Variants in HCN1 observed in about 807,000 individuals in gnomAD.
HCN1 encodes the protein potassium/sodium hyperpolarization-activated cyclic nucleotide-gated channel 1.
In HCN1, 13 loss-of-function variants were observed where a neutral mutation model predicts 78.9. That is an observed-to-expected ratio of 0.16 (90% CI 0.11 to 0.26). HCN1 has a LOEUF of 0.26. HCN1 is among the 10% of genes least tolerant of loss of function. The pLI is 1.00. For synonymous variants in HCN1, 552 were observed against 455.5 expected (o/e 1.21, Z -2.70); for missense variants, 810 against 1,154.3 (o/e 0.70, Z 4.32).
At chr5:45,649,920 G>A (rs1288225404) in intron 1 of HCN1, among the ~76,000 whole-genome samples, 1 of 151,764 alleles carries the variant, frequency 6.6e-6, no homozygotes, top group African/African-American at 2.4e-5. Context: ...CTTATTAAGG[G>A]TTTTCATTTT....
chr5:45,494,857 A>T (rs1192345052), intron 2 of HCN1, among the ~76,000 whole-genome samples: 1 of 152,250 alleles, frequency 6.6e-6, no homozygotes. Flanking sequence ...TAAATAGGGA[A>T]TTCTTTCCCC....
At chr5:45,661,284 C>T (rs1231825463) in intron 1 of HCN1, among the ~76,000 whole-genome samples, 1 of 115,508 alleles carries the variant, frequency 8.7e-6, no homozygotes, top group African/African-American at 3.4e-5. Flanking sequence ...ATACCAGAAT[C>T]TCTGGGACGC....
At chr5:45,419,019 A>C (rs1271382562) in intron 3 of HCN1, among the ~76,000 whole-genome samples, 1 of 152,184 alleles carries the variant, frequency 6.6e-6, no homozygotes, top group African/African-American at 2.4e-5. Flanking sequence ...GCTTTGTGTT[A>C]GAAATCATCA....
intron 1 of HCN1, among the ~76,000 whole-genome samples, chr5:45,682,643 C>CA (rs950658967): frequency 6.6e-6 from 1 of 150,716 alleles, no homozygotes; most frequent in African/African-American, 2.4e-5. Flanking sequence ...AACAAACAAA[C>CA]AAAAAAAAGC....
intron 2 of HCN1, among the ~76,000 whole-genome samples, chr5:45,484,652 G>A (rs776206622): frequency 6.6e-6 from 1 of 152,122 alleles, no homozygotes; most frequent in Non-Finnish European, 1.5e-5. Context: ...GAATAAGTAA[G>A]TTTATTCTGC....
chr5:45,294,597 AAAAC>A (rs1018073501), intron 6 of HCN1, among the ~76,000 whole-genome samples: 4 of 152,098 alleles, frequency 2.6e-5, no homozygotes, highest in South Asian at 2.1e-4. Context: ...TTATATTAGA[AAAAC>A]AAACTTTTCT....
intron 3 of HCN1, among the ~76,000 whole-genome samples, chr5:45,445,550 C>T (rs980149924): frequency 1.3e-5 from 2 of 152,212 alleles, no homozygotes; most frequent in African/African-American, 4.8e-5. Flanking sequence ...TCCCAGCATG[C>T]AGCTGGAGAT....
At chr5:45,589,372 A>G (rs898720104) in intron 2 of HCN1, among the ~76,000 whole-genome samples, 3 of 152,198 alleles carry the variant, frequency 2.0e-5, no homozygotes, top group Non-Finnish European at 4.4e-5. Flanking sequence ...TCTTACATAG[A>G]GAAAAAGATC....
intron 5 of HCN1, among the ~76,000 whole-genome samples, chr5:45,344,677 T>C (rs1201140307): frequency 1.3e-5 from 2 of 152,202 alleles, no homozygotes; most frequent in Middle Eastern, 6.3e-3. Flanking sequence ...CTCCTTTGAC[T>C]CCATGTCTCA....
chr5:45,679,528 CAT>C (rs1739661486), intron 1 of HCN1, among the ~76,000 whole-genome samples: 1 of 151,936 alleles, frequency 6.6e-6, no homozygotes, highest in Non-Finnish European at 1.5e-5. Flanking sequence ...TTTAAAACAA[CAT>C]AGAAGCATGC....
At chr5:45,571,847 G>A (rs1371545184) in intron 2 of HCN1, among the ~76,000 whole-genome samples, 1 of 152,184 alleles carries the variant, frequency 6.6e-6, no homozygotes, top group Non-Finnish European at 1.5e-5. Context: ...CTGGGAGGCA[G>A]AGGTTGCAGT....
chr5:45,521,520 T>A (rs1386517341), intron 2 of HCN1, among the ~76,000 whole-genome samples: 1 of 151,980 alleles, frequency 6.6e-6, no homozygotes, highest in African/African-American at 2.4e-5. Flanking sequence ...TGGCATTATG[T>A]CTTTTCATAT....
chr5:45,340,969 T>C (rs1019762512), intron 5 of HCN1, among the ~76,000 whole-genome samples: 7 of 152,238 alleles, frequency 4.6e-5, no homozygotes, highest in African/African-American at 1.7e-4. Flanking sequence ...CATAAAGTTT[T>C]AGTAAAAAAT....
chr5:45,515,046 G>C (rs1439181366), intron 2 of HCN1, among the ~76,000 whole-genome samples: 1 of 151,624 alleles, frequency 6.6e-6, no homozygotes, highest in Non-Finnish European at 1.5e-5. Context: ...TTAGAGATAA[G>C]AACTATACAA....
At chr5:45,497,603 C>G (rs533468326) in intron 2 of HCN1, among the ~76,000 whole-genome samples, 139 of 152,178 alleles carry the variant, frequency 9.1e-4, no homozygotes, top group Non-Finnish European at 1.7e-3. Context: ...TGTCTCTGCA[C>G]GTGAGATGGG....
chr5:45,434,656 T>C (rs1466864303), intron 3 of HCN1, among the ~76,000 whole-genome samples: 1 of 152,164 alleles, frequency 6.6e-6, no homozygotes, highest in Non-Finnish European at 1.5e-5. Flanking sequence ...GATTTGAAAA[T>C]TGCTAATTTT....
intron 4 of HCN1, among the ~76,000 whole-genome samples, chr5:45,367,296 G>T (rs903080739): frequency 1.3e-5 from 2 of 151,056 alleles, no homozygotes; most frequent in African/African-American, 4.9e-5. Context: ...GTATACAAAA[G>T]ATCCATATTG....
chr5:45,348,978 A>G (rs1049412320), intron 5 of HCN1, among the ~76,000 whole-genome samples: 8 of 152,240 alleles, frequency 5.3e-5, no homozygotes, highest in Non-Finnish European at 1.0e-4. Flanking sequence ...ACAGAAAGTT[A>G]ACAATGATAC....
intron 3 of HCN1, among the ~76,000 whole-genome samples, chr5:45,416,991 A>G (rs1166455953): frequency 6.6e-6 from 1 of 152,002 alleles, no homozygotes; most frequent in Non-Finnish European, 1.5e-5. Flanking sequence ...GTATGGACAA[A>G]ATAACAGAGA....
Sources: gnomAD v4.1 joint callset for allele counts (sites outside exome capture counted in the v4.1 genomes callset) on GRCh38, gnomAD v4.1.1 for gene constraint, MANE v1.5 for transcripts, NCBI Gene and HGNC (gene_info 2026-07-23, HGNC 2026-07-21) for gene names.